RMDN2: variants seen among roughly 807,000 people sequenced by gnomAD.
RMDN2 encodes the protein regulator of microtubule dynamics 2.
A neutral mutation model predicts 52.8 loss-of-function variants in RMDN2; 61 were observed. The observed-to-expected ratio is 1.16, with a 90% CI of 0.94 to 1.43. The LOEUF (loss-of-function observed/expected upper bound fraction) is 1.43, where lower values mean the gene tolerates loss of function less well. Ranked by LOEUF, RMDN2 falls within the 40% of genes most tolerant of loss-of-function variation. The pLI is 0.00. For missense variants in RMDN2, 592 were observed against 475.3 expected (o/e 1.25, Z -2.28); for synonymous variants, 180 against 153.1 (o/e 1.18, Z -1.30).
At chr2:38,035,091 A>G (rs1680483238) in intron 10 of RMDN2, among the ~76,000 whole-genome samples, 2 of 152,198 alleles carry the variant, frequency 1.3e-5, no homozygotes, top group South Asian at 4.1e-4. Flanking sequence ...TTCACGTGTG[A>G]AAAACCTGAA....
intron 2 of RMDN2, among the ~76,000 whole-genome samples, chr2:37,971,558 A>G (rs751860761): frequency 1.3e-5 from 2 of 152,196 alleles, no homozygotes; most frequent in Non-Finnish European, 2.9e-5. Flanking sequence ...AATATAAGGT[A>G]GAGTTTCAAT....
At chr2:38,064,054 T>G (rs560019602) in intron 10 of RMDN2, among the ~76,000 whole-genome samples, 1 of 152,330 alleles carries the variant, frequency 6.6e-6, no homozygotes, top group African/African-American at 2.4e-5. Flanking sequence ...CATGTAGAGA[T>G]ATGTACTAAA....
At chr2:37,973,669 G>C (rs1023598035) in intron 2 of RMDN2, among the ~76,000 whole-genome samples, 7 of 152,152 alleles carry the variant, frequency 4.6e-5, no homozygotes, top group African/African-American at 1.4e-4. Context: ...AATTGGAGCA[G>C]AGACTTGAAG....
At chr2:38,055,774 A>T (rs1681836287) in intron 10 of RMDN2, among the ~76,000 whole-genome samples, 1 of 152,166 alleles carries the variant, frequency 6.6e-6, no homozygotes, top group African/African-American at 2.4e-5. Flanking sequence ...TTCCCCTTGC[A>T]ACTCATCAGC....
chr2:37,942,289 A>G (rs1257155396), intron 2 of RMDN2, among the ~76,000 whole-genome samples: 2 of 152,134 alleles, frequency 1.3e-5, no homozygotes, highest in Non-Finnish European at 2.9e-5. Flanking sequence ...AAATGCAGAA[A>G]TCACCCTTCT....
At chr2:38,042,551 A>T (rs1384787366) in intron 10 of RMDN2, among the ~76,000 whole-genome samples, 1 of 150,708 alleles carries the variant, frequency 6.6e-6, no homozygotes, top group African/African-American at 2.4e-5. Context: ...CTTCCGGCTT[A>T]TATTGTTTTT....
rs572413454 is a variant in RMDN2, at chr2:37,996,201, A to G, written c.946-1215A>G. Among the ~76,000 whole-genome samples, 9 of 152,336 alleles carry G rather than the reference A, an allele frequency of 5.9e-5. No individual in the cohort carries two copies. In the South Asian group the frequency reaches 1.7e-3, roughly 28 times the overall value. On this transcript the variant is annotated intron_variant, in intron 7 of 10. Transcript: ENST00000354545. ...CAAGTCATATAAGGAAATAAGCAAT[A>G]TATTATTTTTTACAAAGTTCAAAGC...
At chr2:37,930,876 C>T (rs373304563) in intron 2 of RMDN2, among the ~76,000 whole-genome samples, 17 of 152,206 alleles carry the variant, frequency 1.1e-4, no homozygotes, top group African/African-American at 3.6e-4. Context: ...GGGCCTTCCG[C>T]CTCCGCCTGA....
At chr2:37,987,767 G>A (rs1364691748) in intron 5 of RMDN2, among the ~76,000 whole-genome samples, 5 of 152,240 alleles carry the variant, frequency 3.3e-5, no homozygotes, top group African/African-American at 9.6e-5. Flanking sequence ...TGTTAATAGT[G>A]GGGGAAGTTG....
At chr2:38,049,805 G>A (rs1432263898) in intron 10 of RMDN2, among the ~76,000 whole-genome samples, 2 of 152,172 alleles carry the variant, frequency 1.3e-5, no homozygotes, top group Non-Finnish European at 2.9e-5. Flanking sequence ...CTGGTCTCAA[G>A]TGATCCTCCC....
intron 2 of RMDN2, among the ~76,000 whole-genome samples, chr2:37,972,935 G>A (rs11124629): frequency 0.85 from 128,698 of 152,220 alleles, 54,824 homozygotes; most frequent in African/African-American, 0.93. Flanking sequence ...TATCTTCTTT[G>A]TAAGGCATAT....
chr2:37,973,989 G>A, intron 2 of RMDN2, 51 bp from the exon 3 acceptor site: 1 of 1,390,922 alleles, frequency 7.2e-7, no homozygotes, highest in Non-Finnish European at 1.0e-6. Flanking sequence ...GAATGCTCTG[G>A]CTATTATACT....
chr2:38,020,755 G>A (rs1032924872), downstream of RMDN2, among the ~76,000 whole-genome samples: 7 of 152,224 alleles, frequency 4.6e-5, no homozygotes, highest in South Asian at 2.1e-4. Context: ...CGGCAGGGCA[G>A]GGCTCGGGAC....
chr2:37,973,597 A>G (rs1320901341), intron 2 of RMDN2, among the ~76,000 whole-genome samples: 6 of 152,166 alleles, frequency 3.9e-5, no homozygotes, highest in Non-Finnish European at 5.9e-5. Context: ...GAGGTTAGAG[A>G]TGAAGGGAAT....
chr2:38,035,532 A>C (rs6736523), intron 10 of RMDN2, among the ~76,000 whole-genome samples: 3,327 of 152,326 alleles, frequency 0.022, 51 homozygotes, highest in Non-Finnish European at 0.035. Context: ...CAGATAAGAA[A>C]AAATGCATAA....
chr2:37,951,592 G>GT, intron 2 of RMDN2: 1 of 1,613,256 alleles, frequency 6.2e-7, no homozygotes, highest in Non-Finnish European at 8.5e-7. Flanking sequence ...CGCAGAAGAC[G>GT]TTTCTCATCC....
intron 10 of RMDN2, among the ~76,000 whole-genome samples, chr2:38,049,019 G>A (rs919155742): frequency 4.6e-5 from 7 of 152,210 alleles, no homozygotes; most frequent in Non-Finnish European, 1.5e-5. Context: ...AGCCAATGCT[G>A]TTTAGGAGCC....
chr2:37,955,568 C>G (rs536248418), intron 2 of RMDN2, among the ~76,000 whole-genome samples: 1 of 152,074 alleles, frequency 6.6e-6, no homozygotes, highest in African/African-American at 2.4e-5. Context: ...TGGGAGGGAC[C>G]CAGGGGGAGG....
chr2:37,960,131 G>A (rs1670010233), intron 2 of RMDN2, among the ~76,000 whole-genome samples: 1 of 152,130 alleles, frequency 6.6e-6, no homozygotes, highest in Non-Finnish European at 1.5e-5. Context: ...GATTTGGGGT[G>A]GAGAGTTCTG....
Sources: allele counts gnomAD v4.1 joint callset (sites outside exome capture counted in the v4.1 genomes callset), GRCh38; gene constraint gnomAD v4.1.1; transcripts MANE v1.5; gene names NCBI Gene and HGNC (gene_info 2026-07-23, HGNC 2026-07-21).